ST6GAL1: variants seen among roughly 807,000 people sequenced by gnomAD.
ST6GAL1 encodes ST6 beta-galactoside alpha-2,6-sialyltransferase 1, also known as beta-galactoside alpha-2,6-sialyltransferase 1.
In ST6GAL1, 20 loss-of-function variants were observed where a neutral mutation model predicts 38.0. That is an observed-to-expected ratio of 0.53 (90% CI 0.37 to 0.77). The LOEUF is 0.77. Among genes scored for constraint, ST6GAL1 ranks in the 30% least tolerant of loss-of-function variants. ST6GAL1 has a pLI of 0.00. For missense variants in ST6GAL1, 432 were observed against 496.4 expected (o/e 0.87, Z 1.23); for synonymous variants, 196 against 188.2 (o/e 1.04, Z -0.34).
chr3:187,063,939 T>C (rs563205507), intron 5 of ST6GAL1, among the ~76,000 whole-genome samples: 1 of 152,270 alleles, frequency 6.6e-6, no homozygotes, highest in East Asian at 1.9e-4. Context: ...GGAGTTACTA[T>C]GTGTGGAGCA....
intron 3 of ST6GAL1, among the ~76,000 whole-genome samples, chr3:187,041,618 A>G (rs1216460887): frequency 6.6e-6 from 1 of 152,212 alleles, no homozygotes; most frequent in African/African-American, 2.4e-5. Context: ...GTTGTACTGG[A>G]AAGGACATGG....
At chr3:186,972,236 CTACTTTCT>C (rs1418486645) in intron 2 of ST6GAL1, among the ~76,000 whole-genome samples, 1 of 151,524 alleles carries the variant, frequency 6.6e-6, no homozygotes, top group African/African-American at 2.4e-5. Flanking sequence ...ATGCTACCTG[CTACTTTCT>C]TACTTTCTTT....
intron 5 of ST6GAL1, among the ~76,000 whole-genome samples, chr3:187,056,283 TG>T (rs937462150): frequency 9.2e-5 from 14 of 152,212 alleles, no homozygotes; most frequent in African/African-American, 3.1e-4. Context: ...ATCTTTCAAC[TG>T]GGGCATTTAG....
At chr3:186,983,040 T>C (rs1224394458) in intron 2 of ST6GAL1, among the ~76,000 whole-genome samples, 1 of 152,114 alleles carries the variant, frequency 6.6e-6, no homozygotes, top group Non-Finnish European at 1.5e-5. Flanking sequence ...TTGTTTTCTG[T>C]CTCAGGTACG....
chr3:187,030,681 G>T (rs151240686), intron 2 of ST6GAL1, among the ~76,000 whole-genome samples: 2 of 152,108 alleles, frequency 1.3e-5, no homozygotes, highest in Non-Finnish European at 2.9e-5. Context: ...TGATCTGCCC[G>T]CCTTGGCCTC....
At chr3:187,057,523 A>C (rs551899477) in intron 5 of ST6GAL1, among the ~76,000 whole-genome samples, 1 of 152,154 alleles carries the variant, frequency 6.6e-6, no homozygotes, top group South Asian at 2.1e-4. Context: ...TCTGTTTGTT[A>C]GTTTTCCTTC....
intron 1 of ST6GAL1, among the ~76,000 whole-genome samples, chr3:186,949,406 G>A (rs189295898): frequency 2.0e-5 from 3 of 152,338 alleles, no homozygotes; most frequent in South Asian, 4.1e-4. Flanking sequence ...GGAGGTGGTG[G>A]CTGACAGTGT....
At chr3:187,032,622 A>G (rs1717793095) in intron 2 of ST6GAL1, among the ~76,000 whole-genome samples, 1 of 152,208 alleles carries the variant, frequency 6.6e-6, no homozygotes, top group South Asian at 2.1e-4. Flanking sequence ...GAGACAGACT[A>G]ATCAAATACT....
intron 2 of ST6GAL1, among the ~76,000 whole-genome samples, chr3:187,030,683 C>G (rs532050562): frequency 6.6e-6 from 1 of 152,292 alleles, no homozygotes; most frequent in East Asian, 1.9e-4. Flanking sequence ...ATCTGCCCGC[C>G]TTGGCCTCCC....
At chr3:186,934,626 A>G (rs1018607941) in intron 1 of ST6GAL1, among the ~76,000 whole-genome samples, 3 of 152,118 alleles carry the variant, frequency 2.0e-5, no homozygotes, top group African/African-American at 7.2e-5. Context: ...CGTTGTGTAA[A>G]GTGAGGGGAG....
chr3:186,964,153 T>C (rs1462927187), intron 2 of ST6GAL1: 1 of 152,252 alleles, frequency 6.6e-6, no homozygotes, highest in African/African-American at 2.4e-5. Context: ...AGTTGTATTT[T>C]CTCAGTTGCT....
chr3:187,075,639 T>C lies in ST6GAL1; in HGVS notation c.1057T>C (p.Cys353Arg). 6.2e-7 allele frequency: 1 copy of C among 1,614,212 alleles called. No individual in the cohort carries two copies. The highest frequency in any genetic ancestry group is 8.5e-7 in the Non-Finnish European group (1 of 1,180,024). Residue 353 changes from cysteine to arginine, a missense_variant, in exon 8 of 8, where the codon TGC becomes CGC. Transcript: ENST00000169298. This position sits in a 1 kb window ranked among gnomAD's most constrained non-coding sequence, Gnocchi z 4.1. ...FLPSKRKTDVCYYYQKFFDSA... is the reference protein window; with the variant it reads ...FLPSKRKTDVRYYYQKFFDSA... ...CCCATCCAAGCGCAAGACTGACGTGTGCTACTACTACCAGAAGTTCTTCGA... is the reference window on the plus strand; with the variant it reads ...CCCATCCAAGCGCAAGACTGACGTGCGCTACTACTACCAGAAGTTCTTCGA...
chr3:187,031,171 G>T (rs775832250), intron 2 of ST6GAL1, among the ~76,000 whole-genome samples: 8 of 152,208 alleles, frequency 5.3e-5, no homozygotes, highest in Non-Finnish European at 1.2e-4. Flanking sequence ...AAGGAAGCTT[G>T]AGAGTCAAGG....
chr3:186,986,354 T>G (rs965802782), intron 2 of ST6GAL1: 2 of 152,252 alleles, frequency 1.3e-5, no homozygotes, highest in Non-Finnish European at 2.9e-5. Flanking sequence ...CACATAGTGT[T>G]GAATATTGTA....
chr3:186,936,939 C>CAAAAAAAAA (rs60914982), intron 1 of ST6GAL1, among the ~76,000 whole-genome samples: 5 of 87,952 alleles, frequency 5.7e-5, no homozygotes, highest in Admixed American at 1.3e-4. Flanking sequence ...AAGACTGTCT[C>CAAAAAAAAA]AAAAAAAAAA....
chr3:186,961,187 G>A (rs1156337843), intron 1 of ST6GAL1, among the ~76,000 whole-genome samples: 1 of 152,118 alleles, frequency 6.6e-6, no homozygotes, highest in Non-Finnish European at 1.5e-5. Context: ...TGTTGACCAA[G>A]CTGGTCTTGA....
At chr3:187,062,377 T>C (rs980246590) in intron 5 of ST6GAL1, among the ~76,000 whole-genome samples, 10 of 152,172 alleles carry the variant, frequency 6.6e-5, no homozygotes, top group Non-Finnish European at 1.0e-4. Flanking sequence ...GAGATATTCA[T>C]ACCCCCATAT....
intron 1 of ST6GAL1, among the ~76,000 whole-genome samples, chr3:186,933,431 G>A (rs1262911486): frequency 6.6e-6 from 1 of 152,118 alleles, no homozygotes; most frequent in Non-Finnish European, 1.5e-5. Context: ...CTTTGGTGTG[G>A]TGCACGAGCT....
intron 2 of ST6GAL1, among the ~76,000 whole-genome samples, chr3:187,037,972 G>A (rs1438011361): frequency 6.6e-6 from 1 of 151,016 alleles, no homozygotes; most frequent in East Asian, 1.9e-4. Flanking sequence ...GTTTTATAAC[G>A]TATTTTTTCA....
Sources: allele counts gnomAD v4.1 joint callset (sites outside exome capture counted in the v4.1 genomes callset), GRCh38; gene constraint gnomAD v4.1.1; non-coding constraint Gnocchi (gnomAD v3.1); transcripts MANE v1.5; gene names NCBI Gene and HGNC (gene_info 2026-07-23, HGNC 2026-07-21).